Variants in CHST14 observed in about 807,000 individuals in gnomAD.
The protein encoded by CHST14 is carbohydrate sulfotransferase 14, also known as carbohydrate (N-acetylgalactosamine 4-0) sulfotransferase 14.
CHST14 carries 13 observed loss-of-function variants against 22.7 expected under a neutral mutation model. That is an observed-to-expected ratio of 0.57 (90% CI 0.37 to 0.91). CHST14 has a LOEUF of 0.91. CHST14 is among the 40% of genes least tolerant of loss of function. CHST14 has a pLI of 0.01. For missense variants in CHST14, 466 were observed against 513.1 expected (o/e 0.91, Z 0.89); for synonymous variants, 233 against 231.9 (o/e 1.00, Z -0.04).
chr15:40,471,019 C>T lies in CHST14; in HGVS notation c.-195C>T. ...GACATCCGGCCCGGGTCCCTCGCCG[C>T]GCCCGCCGCCCGCCGCCCGCTTCGG... On this transcript the variant is annotated 5_prime_UTR_variant, in exon 1 of 1. Coordinates refer to ENST00000306243, the MANE Select transcript of CHST14 (RefSeq NM_130468.4). This position sits in a 1 kb window ranked among gnomAD's most constrained non-coding sequence, Gnocchi z 6.4. 3.1e-6 allele frequency: 1 copy of T among 319,616 alleles called. No individual in the cohort carries two copies. Among genetic ancestry groups the T allele is most frequent in the Non-Finnish European group, 5.7e-6 (1 of 175,938 alleles). The allele number at this position is 319,616 out of a possible 1,614,324, so 19.8% of individuals were successfully genotyped here. A position where few individuals can be genotyped will look rare whatever the true frequency, so the allele number is the denominator to read the frequency against.
chr15:40,471,186 C>T lies in CHST14; in HGVS notation c.-28C>T. 2 of 1,320,570 alleles carry T rather than the reference C, an allele frequency of 1.5e-6. No homozygotes were observed. The highest frequency in any genetic ancestry group is 1.9e-6 in the Non-Finnish European group (2 of 1,038,070). 81.8% of individuals were successfully genotyped at this position (1,320,570 alleles called of 1,614,324 possible). ...CAGGCCGCCCTCGGATCGGCCGGGCCCGCGCAGGCCCCCACCCCTTGAGCA... is the reference window on the plus strand; with the variant it reads ...CAGGCCGCCCTCGGATCGGCCGGGCTCGCGCAGGCCCCCACCCCTTGAGCA... On this transcript the variant is annotated 5_prime_UTR_variant, in exon 1 of 1. Coordinates refer to ENST00000306243, the MANE Select transcript of CHST14 (RefSeq NM_130468.4). The surrounding 1 kb of genome is among the most constrained non-coding windows in gnomAD (Gnocchi z 6.4).
chr15:40,471,549 C>T lies in CHST14; in HGVS notation c.336C>T (p.Thr112=). ...LQVRQDVRNR[T]LRAVCGQPGM... Reference sequence around the variant, plus strand: ...TGCGGCAGGACGTCCGGAACAGGACCCTGCGGGCGGTGTGCGGACAGCCAG... The same window carrying T: ...TGCGGCAGGACGTCCGGAACAGGACTCTGCGGGCGGTGTGCGGACAGCCAG... Residue 112 remains threonine, a synonymous_variant, in exon 1 of 1, where the codon ACC becomes ACT. Transcript: ENST00000306243. The surrounding 1 kb of genome is among the most constrained non-coding windows in gnomAD (Gnocchi z 6.4). 2 of 1,605,780 alleles carry T rather than the reference C, an allele frequency of 1.2e-6. No individual in the cohort carries two copies. Among genetic ancestry groups the T allele is most frequent in the Non-Finnish European group, 1.7e-6 (2 of 1,177,764 alleles).
rs2141570842 is a variant in CHST14, at chr15:40,471,742, G to T, written c.529G>T (p.Asp177Tyr). 6.2e-7 allele frequency: 1 copy of T among 1,613,542 alleles called. No individual in the cohort carries two copies. Among genetic ancestry groups the T allele is most frequent in the Non-Finnish European group, 8.5e-7 (1 of 1,180,030 alleles). The change falls in exon 1 of 1, where the codon GAC becomes TAC. Residue 177 changes from aspartate (D) to tyrosine (Y), a missense_variant. Physicochemically the swap from Asp to Tyr is radical, Grantham distance 160 (BLOSUM62 -3). Transcript: ENST00000306243. This position sits in a 1 kb window ranked among gnomAD's most constrained non-coding sequence, Gnocchi z 6.4. ...GCTGGCAGGCGTCCTGGACAGCGTG[G>T]ACGTCCGCCTCAAGATGGACCACCG... is the stretch of plus-strand genomic sequence containing the variant. ...KVLAGVLDSVDVRLKMDHRSD... is the reference protein window; with the variant it reads ...KVLAGVLDSVYVRLKMDHRSD...
chr15:40,472,486 C>A lies in CHST14; in HGVS notation c.*142C>A. The A allele has an allele frequency of 1.0e-6, 1 of 997,268 alleles. No homozygotes were observed. The highest frequency in any genetic ancestry group is 1.5e-6 in the Non-Finnish European group (1 of 674,080). 61.8% of individuals were successfully genotyped at this position (997,268 alleles called of 1,614,324 possible). ...ATGGCAGAGACTGCCCTCAGAAGTTCCTTGTCCAGGGTGGGCACCCACAGT... is the reference window on the plus strand; with the variant it reads ...ATGGCAGAGACTGCCCTCAGAAGTTACTTGTCCAGGGTGGGCACCCACAGT... On this transcript the variant is annotated 3_prime_UTR_variant, in exon 1 of 1. Coordinates refer to ENST00000306243, the MANE Select transcript of CHST14 (RefSeq NM_130468.4).
chr15:40,472,368 G>T lies in CHST14; in HGVS notation c.*24G>T. The T allele has an allele frequency of 1.3e-6, 2 of 1,577,512 alleles. No individual in the cohort carries two copies. The highest frequency in any genetic ancestry group is 1.7e-6 in the Non-Finnish European group (2 of 1,161,706). ...GACCATGGGTGTGGGGCCAGCAGCTGGTGGGGACTGGTTTCAACGCCAGCT... is the reference window on the plus strand; with the variant it reads ...GACCATGGGTGTGGGGCCAGCAGCTTGTGGGGACTGGTTTCAACGCCAGCT... On this transcript the variant is annotated 3_prime_UTR_variant, in exon 1 of 1. Coordinates refer to ENST00000306243, the MANE Select transcript of CHST14 (RefSeq NM_130468.4).
chr15:40,472,505 C>T lies in CHST14; in HGVS notation c.*161C>T, dbSNP rs1595869850. Reference sequence around the variant, plus strand: ...GAAGTTCCTTGTCCAGGGTGGGCACCCACAGTGACTCAGAGGACAGGGCTA... The same window carrying T: ...GAAGTTCCTTGTCCAGGGTGGGCACTCACAGTGACTCAGAGGACAGGGCTA... On this transcript the variant is annotated 3_prime_UTR_variant, in exon 1 of 1. Coordinates refer to ENST00000306243, the MANE Select transcript of CHST14 (RefSeq NM_130468.4). The T allele has an allele frequency of 1.3e-6, 1 of 768,462 alleles. No individual in the cohort carries two copies. Among genetic ancestry groups the T allele is most frequent in the East Asian group, 2.6e-5 (1 of 37,976 alleles). The allele number at this position is 768,462 out of a possible 1,614,324, so 47.6% of individuals were successfully genotyped here.
At position 40,472,034 on chromosome 15, in the gene CHST14, G is replaced by T. The variant is rs397514706; in HGVS notation, c.821G>T (p.Arg274Leu). The T allele has an allele frequency of 6.2e-7, 1 of 1,614,186 alleles. No individual in the cohort carries two copies. The highest frequency in any genetic ancestry group is 2.2e-5 in the East Asian group (1 of 44,876). Residue 274 changes from arginine (R) to leucine (L), a missense_variant, in exon 1 of 1, where the codon CGC (arginine) becomes CTC (leucine). Transcript: ENST00000306243. ...LRYLVDEDPE[R>L]MNEHWMPVYH... ...TACCTGGTGGATGAGGACCCTGAGC[G>T]CATGAATGAGCATTGGATGCCCGTG... is the stretch of plus-strand genomic sequence containing the variant.
In CHST14 at chr15:40,471,253, G is replaced by T; in HGVS notation, c.40G>T (p.Gly14Cys). 1 of 1,455,470 alleles carries T rather than the reference G, an allele frequency of 6.9e-7. No homozygotes were observed. Among genetic ancestry groups the T allele is most frequent in the Non-Finnish European group, 9.0e-7 (1 of 1,114,038 alleles). 90.2% of individuals were successfully genotyped at this position (1,455,470 alleles called of 1,614,324 possible). Residue 14 changes from glycine to cysteine, a missense_variant, in exon 1 of 1, where the codon GGC becomes TGC. By Grantham distance (159) the Gly-to-Cys change is radical. Coordinates refer to ENST00000306243, the MANE Select transcript of CHST14 (RefSeq NM_130468.4). The surrounding 1 kb of genome is among the most constrained non-coding windows in gnomAD (Gnocchi z 6.4). ...GCTGACCCCGCTGGCGGCCCCAAAT[G>T]GCGCCGAGCCCCTGGGCCGGGCGCT... ...RPLTPLAAPN[G>C]AEPLGRALRR... is the part of the protein sequence containing the mutation.
Position 40,471,024 on chromosome 15 carries a change from G to A in CHST14, c.-190G>A. On this transcript the variant is annotated 5_prime_UTR_variant, in exon 1 of 1. Transcript: ENST00000306243. The surrounding 1 kb of genome is among the most constrained non-coding windows in gnomAD (Gnocchi z 6.4). Reference sequence around the variant, plus strand: ...CCGGCCCGGGTCCCTCGCCGCGCCCGCCGCCCGCCGCCCGCTTCGGCGCCG... The same window carrying A: ...CCGGCCCGGGTCCCTCGCCGCGCCCACCGCCCGCCGCCCGCTTCGGCGCCG... The A allele has an allele frequency of 3.1e-6, 1 of 323,522 alleles. No homozygotes were observed. The highest frequency in any genetic ancestry group is 5.6e-6 in the Non-Finnish European group (1 of 179,390). 20.0% of individuals were successfully genotyped at this position (323,522 alleles called of 1,614,324 possible).
rs990941283 is a variant in CHST14, at chr15:40,472,564, C to T, written c.*220C>T. ...ACCTGCTGCTCCTCATTGGGGGGAT[C>T]TCTTGGGGGGCAGACACCAGTTTGC... On this transcript the variant is annotated 3_prime_UTR_variant, in exon 1 of 1. Coordinates refer to ENST00000306243, the MANE Select transcript of CHST14 (RefSeq NM_130468.4). 8.6e-6 allele frequency: 5 copies of T among 580,418 alleles called. No homozygotes were observed. Among genetic ancestry groups the T allele is most frequent in the Non-Finnish European group, 1.6e-5 (5 of 322,240 alleles). The allele number at this position is 580,418 out of a possible 1,614,324, so 36.0% of individuals were successfully genotyped here.
At position 40,471,738 on chromosome 15, in the gene CHST14, CGT is replaced by C. The variant is rs917392019; in HGVS notation, c.527_528del (p.Val176GlyfsTer11). The C allele has an allele frequency of 5.6e-6, 9 of 1,613,512 alleles. No individual in the cohort carries two copies. In the Admixed American group the frequency reaches 6.7e-5, roughly 12 times the overall value. On this transcript the variant is annotated frameshift_variant, in exon 1 of 1. Coordinates refer to ENST00000306243, the MANE Select transcript of CHST14 (RefSeq NM_130468.4). LOFTEE classifies it high-confidence loss of function. The surrounding 1 kb of genome is among the most constrained non-coding windows in gnomAD (Gnocchi z 6.4). ...AGGTGCTGGCAGGCGTCCTGGACAG[CGT>C]GGACGTCCGCCTCAAGATGGACCAC... ...MKVLAGVLDS[V>X]DVRLKMDHRS...
chr15:40,471,620 C>A lies in CHST14; in HGVS notation c.407C>A (p.Thr136Asn), dbSNP rs1445477154. The change falls in exon 1 of 1, where the codon ACC (threonine) becomes AAC (asparagine). Residue 136 changes from threonine (T) to asparagine (N), a missense_variant. Coordinates refer to ENST00000306243, the MANE Select transcript of CHST14 (RefSeq NM_130468.4). This position sits in a 1 kb window ranked among gnomAD's most constrained non-coding sequence, Gnocchi z 6.4. Reference sequence around the variant, plus strand: ...GACTTGCCGGTGGGGCAGCGGCGCACCCTGCTGCGCCACATCCTCGTAAGT... The same window carrying A: ...GACTTGCCGGTGGGGCAGCGGCGCAACCTGCTGCGCCACATCCTCGTAAGT... ...PWDLPVGQRR[T>N]LLRHILVSDR... The A allele has an allele frequency of 6.2e-7, 1 of 1,613,094 alleles. No homozygotes were observed. The highest frequency in any genetic ancestry group is 1.1e-5 in the South Asian group (1 of 91,080).
chr15:40,471,693 T>C lies in CHST14; in HGVS notation c.480T>C (p.Ser160=). The change falls in exon 1 of 1, where the codon TCT becomes TCC. Residue 160 remains serine (S), a synonymous_variant. Transcript: ENST00000306243. This position sits in a 1 kb window ranked among gnomAD's most constrained non-coding sequence, Gnocchi z 6.4. ...GCTACGTCCCCAAGGTGGCCTGCTCTAACTGGAAGCGGGTGATGAAGGTGC... is the reference window on the plus strand; with the variant it reads ...GCTACGTCCCCAAGGTGGCCTGCTCCAACTGGAAGCGGGTGATGAAGGTGC... ...LYCYVPKVAC[S]NWKRVMKVLA... The C allele has an allele frequency of 1.2e-6, 2 of 1,613,674 alleles. No individual in the cohort carries two copies. The highest frequency in any genetic ancestry group is 2.2e-5 in the South Asian group (2 of 91,082).
Position 40,472,347 on chromosome 15 carries a change from A to G in CHST14, c.*3A>G, listed in dbSNP as rs1455518252. ...CCAAGGAGGCGTGTCAGCAGTGACC[A>G]TGGGTGTGGGGCCAGCAGCTGGTGG... is the stretch of plus-strand genomic sequence containing the variant. On this transcript the variant is annotated 3_prime_UTR_variant, in exon 1 of 1. Coordinates refer to ENST00000306243, the MANE Select transcript of CHST14 (RefSeq NM_130468.4). 2 of 1,592,766 alleles carry G rather than the reference A, an allele frequency of 1.3e-6. No homozygotes were observed. Among genetic ancestry groups the G allele is most frequent in the African/African-American group, 1.3e-5 (1 of 74,438 alleles).
chr15:40,471,595 G>C lies in CHST14; in HGVS notation c.382G>C (p.Asp128His), dbSNP rs1180385930. ...GCCAGGCATGCCCCGGGACCCCTGG[G>C]ACTTGCCGGTGGGGCAGCGGCGCAC... The part of the protein sequence containing the change: ...GQPGMPRDPW[D>H]LPVGQRRTLL... The change falls in exon 1 of 1, where the codon GAC (aspartate) becomes CAC (histidine). Residue 128 changes from aspartate to histidine, a missense_variant. By Grantham distance (81) the Asp-to-His change is moderately conservative (BLOSUM62 -1). Transcript: ENST00000306243. This position sits in a 1 kb window ranked among gnomAD's most constrained non-coding sequence, Gnocchi z 6.4. 4.3e-6 allele frequency: 7 copies of C among 1,612,310 alleles called. No homozygotes were observed. Among genetic ancestry groups the C allele is most frequent in the Non-Finnish European group, 5.9e-6 (7 of 1,179,854 alleles).
Position 40,472,378 on chromosome 15 carries a change from G to A in CHST14, c.*34G>A. Reference sequence around the variant, plus strand: ...GTGGGGCCAGCAGCTGGTGGGGACTGGTTTCAACGCCAGCTTTCTGTGCTT... The same window carrying A: ...GTGGGGCCAGCAGCTGGTGGGGACTAGTTTCAACGCCAGCTTTCTGTGCTT... On this transcript the variant is annotated 3_prime_UTR_variant, in exon 1 of 1. Coordinates refer to ENST00000306243, the MANE Select transcript of CHST14 (RefSeq NM_130468.4). 6.4e-7 allele frequency: 1 copy of A among 1,562,574 alleles called. No homozygotes were observed. Among genetic ancestry groups the A allele is most frequent in the South Asian group, 1.2e-5 (1 of 82,746 alleles).
Position 40,471,409 on chromosome 15 carries a change from G to T in CHST14, c.196G>T (p.Ala66Ser). Residue 66 changes from alanine to serine, a missense_variant, in exon 1 of 1, where the codon GCC becomes TCC. Transcript: ENST00000306243. This position sits in a 1 kb window ranked among gnomAD's most constrained non-coding sequence, Gnocchi z 6.4. ...GCTCATGATCGAGCGGGGCATCCTG[G>T]CCGAGATGAAGCCCCTGCCCCTGCA... ...LLLMIERGIL[A>S]EMKPLPLHPP... 6.4e-7 allele frequency: 1 copy of T among 1,557,936 alleles called. No homozygotes were observed.
Position 40,472,396 on chromosome 15 carries a change from C to T in CHST14, c.*52C>T. 1.4e-5 allele frequency: 21 copies of T among 1,537,460 alleles called. No individual in the cohort carries two copies. The highest frequency in any genetic ancestry group is 1.8e-5 in the Non-Finnish European group (21 of 1,139,836). Reference sequence around the variant, plus strand: ...GGGGACTGGTTTCAACGCCAGCTTTCTGTGCTTCTGCCTGTCATTCGGAGA... The same window carrying T: ...GGGGACTGGTTTCAACGCCAGCTTTTTGTGCTTCTGCCTGTCATTCGGAGA... On this transcript the variant is annotated 3_prime_UTR_variant, in exon 1 of 1. Transcript: ENST00000306243.
chr15:40,472,283 T>G lies in CHST14; in HGVS notation c.1070T>G (p.Leu357Arg), dbSNP rs780540417. The G allele has an allele frequency of 1.9e-6, 3 of 1,606,196 alleles. No individual in the cohort carries two copies. The South Asian group carries it at 3.3e-5, about 18-fold the overall frequency. The change falls in exon 1 of 1, where the codon CTG becomes CGG. Residue 357 changes from leucine (L) to arginine (R), a missense_variant. Physicochemically the swap from Leu to Arg is moderately radical, Grantham distance 102 (BLOSUM62 -2). Coordinates refer to ENST00000306243, the MANE Select transcript of CHST14 (RefSeq NM_130468.4). The part of the protein sequence containing the change: ...LLQDVLPKYI[L>R]DFSLFAYPLP... ...CAGGATGTGCTGCCTAAGTATATCC[T>G]GGACTTCTCCCTCTTTGCCTACCCA...
Sources: allele counts gnomAD v4.1 joint callset, GRCh38; gene constraint gnomAD v4.1.1; non-coding constraint Gnocchi (gnomAD v3.1); transcripts MANE v1.5; gene names NCBI Gene and HGNC (gene_info 2026-07-23, HGNC 2026-07-21).